The following RFX2 variants were observed in gnomAD, a reference collection of about 807,000 sequenced individuals.
The protein encoded by RFX2 is DNA-binding protein RFX2.
In RFX2, 20 loss-of-function variants were observed where a neutral mutation model predicts 87.8. The ratio of observed to expected loss-of-function variants is 0.23; its 90% confidence interval spans 0.16 to 0.33. RFX2 has a LOEUF of 0.33. Ranked by LOEUF, RFX2 falls within the 10% of genes least tolerant of loss-of-function variation. The pLI is 1.00. For missense variants in RFX2, 767 were observed against 1,012.3 expected (o/e 0.76, Z 3.29); for synonymous variants, 397 against 431.3 (o/e 0.92, Z 0.98).
Position 6,063,490 on chromosome 19 carries a change from T to G in RFX2, c.-8-15986A>C, listed in dbSNP as rs1415909991. Among the ~76,000 whole-genome samples the G allele has an allele frequency of 6.6e-6, 1 of 152,120 alleles. No individual in the cohort carries two copies. Among genetic ancestry groups the G allele is most frequent in the Non-Finnish European group, 1.5e-5 (1 of 68,010 alleles). The stretch of plus-strand genomic sequence containing the variant: ...GTCCATGCACCTGCCAGGGTGGGGA[T>G]GGACAAGACCCCTCCAGCAGGGCCA... On this transcript the variant is annotated intron_variant, in intron 1 of 17. Coordinates refer to ENST00000303657, the MANE Select transcript of RFX2 (RefSeq NM_000635.4). The surrounding 1 kb of genome is among the most constrained non-coding windows in gnomAD (Gnocchi z 4.0).
chr19:6,037,244 A>C (rs1046561789), intron 5 of RFX2, among the ~76,000 whole-genome samples: 2 of 151,164 alleles, frequency 1.3e-5, no homozygotes, highest in Non-Finnish European at 1.5e-5. Flanking sequence ...AGATTGCGCC[A>C]CTGCACTCCA....
chr19:6,035,850 G>GGGTGTGT (rs1555776252), intron 5 of RFX2, among the ~76,000 whole-genome samples: 8 of 137,248 alleles, frequency 5.8e-5, no homozygotes, highest in African/African-American at 2.4e-4. Flanking sequence ...CTTGGTGGGG[G>GGGTGTGT]GTGTGTGTGT....
chr19:6,030,686 C>G (rs531433940), intron 5 of RFX2, among the ~76,000 whole-genome samples: 1 of 152,166 alleles, frequency 6.6e-6, no homozygotes, highest in Admixed American at 6.5e-5. Flanking sequence ...GGTGATTGTA[C>G]CACACTGTGA....
Position 6,001,704 on chromosome 19 carries a change from T to G in RFX2, c.1859+111A>C. ...GCGGGTTCAGACACTGCTGCAACTC[T>G]GCTGAGCCCTGTTTTGCTCTGAGCT... On this transcript the variant is annotated intron_variant, in intron 15 of 17. Transcript: ENST00000303657. This position sits in a 1 kb window ranked among gnomAD's most constrained non-coding sequence, Gnocchi z 5.6. The G allele has an allele frequency of 1.1e-6, 1 of 918,804 alleles. No individual in the cohort carries two copies. The allele number at this position is 918,804 out of a possible 1,614,324, so 56.9% of individuals were successfully genotyped here. A position where few individuals can be genotyped will look rare whatever the true frequency, so the allele number is the denominator to read the frequency against.
In RFX2 at chr19:6,004,369, G is replaced by T; in HGVS notation, c.1403-71C>A. The stretch of plus-strand genomic sequence containing the variant: ...TGGACCCTGGAAATCAGCATTCAGT[G>T]TAAGAGCTGGCCCAAGTGCGATGAA... On this transcript the variant is annotated intron_variant, in intron 12 of 17. Coordinates refer to ENST00000303657, the MANE Select transcript of RFX2 (RefSeq NM_000635.4). This position sits in a 1 kb window ranked among gnomAD's most constrained non-coding sequence, Gnocchi z 4.8. 1 of 1,287,438 alleles carries T rather than the reference G, an allele frequency of 7.8e-7. No homozygotes were observed. The highest frequency in any genetic ancestry group is 1.1e-6 in the Non-Finnish European group (1 of 883,438). 79.8% of individuals were successfully genotyped at this position (1,287,438 alleles called of 1,614,324 possible). A position where few individuals can be genotyped will look rare whatever the true frequency, so the allele number is the denominator to read the frequency against.
chr19:6,055,313 C>A (rs961084237), intron 1 of RFX2, among the ~76,000 whole-genome samples: 8 of 152,188 alleles, frequency 5.3e-5, no homozygotes, highest in African/African-American at 1.9e-4. Flanking sequence ...AAAGTTAAAC[C>A]TGCCCTTTAA....
chr19:6,024,011 C>T lies in RFX2; in HGVS notation c.597+2152G>A, dbSNP rs2086854014. On this transcript the variant is annotated intron_variant, in intron 6 of 17. Coordinates refer to ENST00000303657, the MANE Select transcript of RFX2 (RefSeq NM_000635.4). The surrounding 1 kb of genome is among the most constrained non-coding windows in gnomAD (Gnocchi z 5.0). ...GTCAGGCTGGTCTGGAACTCCTGAC[C>T]TCAAGTGGTACACCCGCCTTGGTCT... Among the ~76,000 whole-genome samples, 1 of 152,246 alleles carries T rather than the reference C, an allele frequency of 6.6e-6. No individual in the cohort carries two copies. The highest frequency in any genetic ancestry group is 2.1e-4 in the South Asian group (1 of 4,824).
At chr19:6,066,650 T>C (rs114885602) in intron 1 of RFX2, among the ~76,000 whole-genome samples, 2,533 of 152,322 alleles carry the variant, frequency 0.017, 80 homozygotes, top group African/African-American at 0.058. Flanking sequence ...TATTGGTTCT[T>C]TCAAGCAGAT....
chr19:6,095,782 C>G (rs1249226715), intron 1 of RFX2, among the ~76,000 whole-genome samples: 2 of 152,238 alleles, frequency 1.3e-5, no homozygotes, highest in East Asian at 3.8e-4. Context: ...CCACCCAAAT[C>G]TGGCCCAGCC....
intron 1 of RFX2, among the ~76,000 whole-genome samples, chr19:6,097,511 G>C (rs148456402): frequency 2.0e-5 from 3 of 152,118 alleles, no homozygotes; most frequent in African/African-American, 7.2e-5. Flanking sequence ...CTTTTACAAG[G>C]ATTAGAAGTA....
Position 6,021,496 on chromosome 19 carries a change from T to C in RFX2, c.597+4667A>G, listed in dbSNP as rs1568510632. Reference sequence around the variant, plus strand: ...GGGACTGGAGGGAGGACTGCAACGGTATAGTAAGTTGAGGTGGGGTGGGGG... The same window carrying C: ...GGGACTGGAGGGAGGACTGCAACGGCATAGTAAGTTGAGGTGGGGTGGGGG... On this transcript the variant is annotated intron_variant, in intron 6 of 17. Transcript: ENST00000303657. This position sits in a 1 kb window ranked among gnomAD's most constrained non-coding sequence, Gnocchi z 5.7. Among the ~76,000 whole-genome samples, 1 of 151,174 alleles carries C rather than the reference T, an allele frequency of 6.6e-6. No homozygotes were observed.
chr19:6,007,062 T>C lies in RFX2; in HGVS notation c.1352A>G (p.Tyr451Cys), dbSNP rs990840779. 16 of 1,613,920 alleles carry C rather than the reference T, an allele frequency of 9.9e-6. No individual in the cohort carries two copies. The highest frequency in any genetic ancestry group is 4.4e-5 in the South Asian group (4 of 91,072). ...GATGAGAATCTCCACCAGCGCCTGG[T>C]AGAGGATGTGGTCGCAGCTCCTCAT... ...RWMRSCDHIL[Y>C]QALVEILIPD... Residue 451 changes from tyrosine (Y) to cysteine (C), a missense_variant, in exon 12 of 18, where the codon TAC becomes TGC. By Grantham distance (194) the Tyr-to-Cys change is radical. Coordinates refer to ENST00000303657, the MANE Select transcript of RFX2 (RefSeq NM_000635.4). This position sits in a 1 kb window ranked among gnomAD's most constrained non-coding sequence, Gnocchi z 8.2.
At chr19:6,046,521 T>C (rs971037350) in intron 2 of RFX2, among the ~76,000 whole-genome samples, 7 of 146,704 alleles carry the variant, frequency 4.8e-5, no homozygotes, top group African/African-American at 1.8e-4. Flanking sequence ...ATCGTGCCAC[T>C]GCACTCCAGC....
intron 1 of RFX2, among the ~76,000 whole-genome samples, chr19:6,060,749 C>T (rs1398598081): frequency 2.6e-5 from 4 of 151,976 alleles, no homozygotes; most frequent in Admixed American, 1.3e-4. Flanking sequence ...GTGCTGTTGT[C>T]ATCTGGTTTC....
chr19:6,024,889 C>A lies in RFX2; in HGVS notation c.597+1274G>T, dbSNP rs934513218. On this transcript the variant is annotated intron_variant, in intron 6 of 17. Coordinates refer to ENST00000303657, the MANE Select transcript of RFX2 (RefSeq NM_000635.4). The surrounding 1 kb of genome is among the most constrained non-coding windows in gnomAD (Gnocchi z 5.0). ...GAGGACGGGAGTGAGGACGGGATCA[C>A]GGTGAGGACGGGAGTCAGGACGGGA... Among the ~76,000 whole-genome samples, 1 of 145,018 alleles carries A rather than the reference C, an allele frequency of 6.9e-6. No homozygotes were observed. The highest frequency in any genetic ancestry group is 2.6e-5 in the African/African-American group (1 of 39,140).
intron 6 of RFX2, among the ~76,000 whole-genome samples, chr19:6,019,284 C>G (rs1326434674): frequency 6.6e-6 from 1 of 152,148 alleles, no homozygotes; most frequent in Non-Finnish European, 1.5e-5. Context: ...GGAAAAGGGA[C>G]ATCAGAGTTT....
At position 6,001,730 on chromosome 19, in the gene RFX2, C is replaced by T. The variant is rs569836778; in HGVS notation, c.1859+85G>A. The stretch of plus-strand genomic sequence containing the variant: ...GCTGAGCCCTGTTTTGCTCTGAGCT[C>T]ACCAGCCGAGCCCCCTACCCTCTAG... On this transcript the variant is annotated intron_variant, in intron 15 of 17. Coordinates refer to ENST00000303657, the MANE Select transcript of RFX2 (RefSeq NM_000635.4). This position sits in a 1 kb window ranked among gnomAD's most constrained non-coding sequence, Gnocchi z 5.6. 19 of 1,233,046 alleles carry T rather than the reference C, an allele frequency of 1.5e-5. No homozygotes were observed. In the South Asian group the frequency reaches 2.4e-4, roughly 15 times the overall value. 76.4% of individuals were successfully genotyped at this position (1,233,046 alleles called of 1,614,324 possible). A position where few individuals can be genotyped will look rare whatever the true frequency, so the allele number is the denominator to read the frequency against.
chr19:6,038,073 T>C (rs1010301591), intron 5 of RFX2, among the ~76,000 whole-genome samples: 9 of 152,052 alleles, frequency 5.9e-5, no homozygotes, highest in African/African-American at 2.2e-4. Context: ...ACGCCTGTAA[T>C]CCCAGCACTT....
intron 1 of RFX2, among the ~76,000 whole-genome samples, chr19:6,093,865 A>G (rs10406507): frequency 6.6e-6 from 1 of 152,142 alleles, no homozygotes; most frequent in African/African-American, 2.4e-5. Context: ...ATATGATTCC[A>G]TTTTCATGAA....
Sources: allele counts gnomAD v4.1 joint callset (sites outside exome capture counted in the v4.1 genomes callset), GRCh38; gene constraint gnomAD v4.1.1; non-coding constraint Gnocchi (gnomAD v3.1); transcripts MANE v1.5; gene names NCBI Gene and HGNC (gene_info 2026-07-23, HGNC 2026-07-21).